TMTC2: variants seen among roughly 807,000 people sequenced by gnomAD.
The protein encoded by TMTC2 is transmembrane O-mannosyltransferase targeting cadherins 2, also known as protein O-mannosyl-transferase TMTC2.
In TMTC2, 43 loss-of-function variants were observed where a neutral mutation model predicts 82.4. The ratio of observed to expected loss-of-function variants is 0.52; its 90% CI spans 0.41 to 0.67. TMTC2 has a LOEUF of 0.67. Ranked by LOEUF, TMTC2 falls within the 30% of genes least tolerant of loss-of-function variation. TMTC2 has a pLI of 0.00. For synonymous variants in TMTC2, 408 were observed against 381.9 expected, an observed-to-expected ratio of 1.07 and a Z score of -0.80; for missense variants, 919 against 1,012.4, an observed-to-expected ratio of 0.91 and a Z score of 1.25.
intron 11 of TMTC2, among the ~76,000 whole-genome samples, chr12:83,099,699 C>T (rs1441455874): frequency 6.6e-6 from 1 of 151,942 alleles, no homozygotes; most frequent in Non-Finnish European, 1.5e-5. Context: ...TGAAAAAAAT[C>T]ACAAAACAGA....
At chr12:83,121,167 G>A (rs1480004824) in intron 11 of TMTC2, among the ~76,000 whole-genome samples, 1 of 152,046 alleles carries the variant, frequency 6.6e-6, no homozygotes, top group African/African-American at 2.4e-5. Context: ...CAGGGATTTC[G>A]TCTTGGTTTG....
intron 11 of TMTC2, among the ~76,000 whole-genome samples, chr12:83,085,168 C>T (rs1883609583): frequency 6.6e-6 from 1 of 152,074 alleles, no homozygotes; most frequent in Non-Finnish European, 1.5e-5. Context: ...TTCTGTGAGT[C>T]CCTTTGGCTG....
chr12:82,738,833 ATTC>A (rs1336414722), intron 1 of TMTC2, among the ~76,000 whole-genome samples: 1 of 152,280 alleles, frequency 6.6e-6, no homozygotes, highest in South Asian at 2.1e-4. Context: ...TTATTTAATA[ATTC>A]TTCTTTCTAG....
At chr12:82,698,545 C>G (rs1043429381) in intron 1 of TMTC2, among the ~76,000 whole-genome samples, 1 of 152,066 alleles carries the variant, frequency 6.6e-6, no homozygotes, top group Non-Finnish European at 1.5e-5. Flanking sequence ...CAGCTGTCCC[C>G]GCTTATCCTT....
chr12:82,732,263 T>A (rs544256905), intron 1 of TMTC2, among the ~76,000 whole-genome samples: 1 of 152,318 alleles, frequency 6.6e-6, no homozygotes, highest in East Asian at 1.9e-4. Flanking sequence ...CTTGTCAGAG[T>A]AAATGTCTCA....
At chr12:83,037,177 A>T (rs1881697561) in intron 9 of TMTC2, among the ~76,000 whole-genome samples, 1 of 152,216 alleles carries the variant, frequency 6.6e-6, no homozygotes. Context: ...TTTTAAAAGT[A>T]GGCTCTGGAG....
intron 4 of TMTC2, among the ~76,000 whole-genome samples, chr12:82,953,460 C>T (rs749405165): frequency 2.0e-4 from 30 of 152,116 alleles, no homozygotes; most frequent in Non-Finnish European, 3.8e-4. Flanking sequence ...TGACTCATAT[C>T]TATTTTATCA....
At chr12:83,067,896 AAGG>A (rs968493917) in intron 11 of TMTC2, among the ~76,000 whole-genome samples, 1 of 152,120 alleles carries the variant, frequency 6.6e-6, no homozygotes, top group Non-Finnish European at 1.5e-5. Flanking sequence ...TATGAATTAA[AAGG>A]AGAATATCTT....
chr12:82,920,140 TC>T (rs137911619), intron 3 of TMTC2, among the ~76,000 whole-genome samples: 6,216 of 152,248 alleles, frequency 0.041, 188 homozygotes, highest in African/African-American at 0.085. Flanking sequence ...TATGAAAAAC[TC>T]ATTATAACTT....
chr12:83,065,675 G>A (rs948619624), intron 11 of TMTC2, among the ~76,000 whole-genome samples: 6 of 151,492 alleles, frequency 4.0e-5, no homozygotes, highest in Non-Finnish European at 8.8e-5. Context: ...TTCTTTGGAG[G>A]TTACTTTAAA....
chr12:82,698,148 AAAGTCC>A (rs1872902888), intron 1 of TMTC2, among the ~76,000 whole-genome samples: 1 of 152,200 alleles, frequency 6.6e-6, no homozygotes, highest in Non-Finnish European at 1.5e-5. Context: ...CTGAAGTTTT[AAAGTCC>A]TAGTTAATAA....
intron 4 of TMTC2, among the ~76,000 whole-genome samples, chr12:82,953,606 T>C (rs551508195): frequency 6.6e-6 from 1 of 152,274 alleles, no homozygotes; most frequent in Admixed American, 6.5e-5. Context: ...AGCATAATTC[T>C]TGGGAAAAAA....
chr12:82,755,490 T>C (rs1239400725), intron 1 of TMTC2, among the ~76,000 whole-genome samples: 1 of 152,240 alleles, frequency 6.6e-6, no homozygotes, highest in East Asian at 1.9e-4. Context: ...GTTCCTGGCA[T>C]TTTTGTTGAA....
At chr12:82,799,996 A>AT (rs1221731269) in intron 1 of TMTC2, among the ~76,000 whole-genome samples, 7 of 152,084 alleles carry the variant, frequency 4.6e-5, no homozygotes, top group Admixed American at 3.9e-4. Flanking sequence ...ATAAAAAAAA[A>AT]GTAAAGAGAT....
intron 1 of TMTC2, among the ~76,000 whole-genome samples, chr12:82,720,907 TGAA>T (rs1874178319): frequency 6.6e-6 from 1 of 152,232 alleles, no homozygotes; most frequent in African/African-American, 2.4e-5. Flanking sequence ...ATGGCCTGGT[TGAA>T]AAAACATTTT....
chr12:83,015,818 C>T (rs568370741), intron 8 of TMTC2, among the ~76,000 whole-genome samples: 48 of 152,162 alleles, frequency 3.2e-4, no homozygotes, highest in Non-Finnish European at 6.0e-4. Flanking sequence ...ATGGTCCAGT[C>T]CGGCGATACG....
chr12:82,808,708 T>A (rs1032137284), intron 1 of TMTC2, among the ~76,000 whole-genome samples: 2 of 152,126 alleles, frequency 1.3e-5, no homozygotes, highest in African/African-American at 4.8e-5. Flanking sequence ...CACTGCTTGC[T>A]GCATCTCAAC....
intron 8 of TMTC2, among the ~76,000 whole-genome samples, chr12:83,005,077 G>A (rs538423021): frequency 1.2e-4 from 18 of 151,782 alleles, no homozygotes; most frequent in African/African-American, 4.1e-4. Flanking sequence ...GGTGGTGTGC[G>A]CCTGTAATCC....
At chr12:82,733,947 G>A (rs1470187627) in intron 1 of TMTC2, among the ~76,000 whole-genome samples, 1 of 152,142 alleles carries the variant, frequency 6.6e-6, no homozygotes, top group Non-Finnish European at 1.5e-5. Context: ...GAGGGCCCAG[G>A]TAGGTGCAGG....
Sources: allele counts gnomAD v4.1 joint callset (sites outside exome capture counted in the v4.1 genomes callset), GRCh38; gene constraint gnomAD v4.1.1; transcripts MANE v1.5; gene names NCBI Gene and HGNC (gene_info 2026-07-23, HGNC 2026-07-21).